SLC14A1: variants seen among roughly 807,000 people sequenced by gnomAD.
SLC14A1 encodes the protein urea transporter 1.
Under a neutral mutation model 39.6 loss-of-function variants are expected in SLC14A1, and 36 were observed. That is an observed-to-expected ratio of 0.91 (90% CI 0.70 to 1.20). The LOEUF is 1.20. Among genes scored for constraint, SLC14A1 ranks in the 50% most tolerant of loss-of-function variants. The pLI, the probability that SLC14A1 is intolerant of heterozygous loss-of-function variation, is 0.00. For synonymous variants in SLC14A1, 164 were observed against 173.6 expected (o/e 0.94, Z 0.43); for missense variants, 469 against 478.7 (o/e 0.98, Z 0.19).
intron 3 of SLC14A1, 40 bp downstream of exon 3, chr18:45,730,511 G>C: frequency 6.2e-7 from 1 of 1,607,734 alleles, no homozygotes; most frequent in Non-Finnish European, 8.5e-7. Flanking sequence ...AGGAGAAGTA[G>C]CTTTGGGGGA....
chr18:45,734,445 A>AG, intron 5 of SLC14A1, 43 bp downstream of exon 5: 1 of 1,608,456 alleles, frequency 6.2e-7, no homozygotes, highest in Non-Finnish European at 8.5e-7. Context: ...TGAAAAAAAA[A>AG]ACATGGCAGA....
intron 2 of SLC14A1, among the ~76,000 whole-genome samples, chr18:45,725,948 G>T (rs921345708): frequency 1.3e-5 from 2 of 152,216 alleles, no homozygotes; most frequent in African/African-American, 4.8e-5. Flanking sequence ...GTGCCAGGCA[G>T]GGGCAGAAGG....
intron 4 of SLC14A1, 169 bp from the exon 5 acceptor site, chr18:45,734,105 A>C: frequency 6.3e-6 from 5 of 794,416 alleles, no homozygotes; most frequent in Non-Finnish European, 1.0e-5. Flanking sequence ...ATTTCACTTC[A>C]TGTCTTTATT....
Position 45,751,811 on chromosome 18 carries a change from A to AATTT in SLC14A1, c.*1862_*1865dup. 1 of 927,886 alleles carries AATTT rather than the reference A, an allele frequency of 1.1e-6. No homozygotes were observed. The highest frequency in any genetic ancestry group is 1.3e-6 in the Non-Finnish European group (1 of 777,980). The allele number at this position is 927,886 out of a possible 1,614,324, so 57.5% of individuals were successfully genotyped here. On this transcript the variant is annotated 3_prime_UTR_variant, in exon 10 of 10. Transcript: ENST00000321925. ...AAATTAATTAATTAATTAATTAATT[A>AATTT]ATTTAAAAAGGAAGTCATGTTCATT...
At chr18:45,742,343 T>A (rs58377072) in intron 8 of SLC14A1, among the ~76,000 whole-genome samples, 1,768 of 143,004 alleles carry the variant, frequency 0.012, 60 homozygotes, top group East Asian at 0.097. Context: ...TTGTTGTTTT[T>A]TGTTTTTTGG....
intron 4 of SLC14A1, among the ~76,000 whole-genome samples, chr18:45,732,994 T>G (rs1326625505): frequency 1.3e-5 from 2 of 152,224 alleles, no homozygotes; most frequent in Non-Finnish European, 2.9e-5. Flanking sequence ...AGTGAATTAA[T>G]GTAGTAACAG....
rs142086840 is a variant in SLC14A1, at chr18:45,728,551, C to G, written c.-21-1749C>G. On this transcript the variant is annotated intron_variant, in intron 2 of 9. Coordinates refer to ENST00000321925, the MANE Select transcript of SLC14A1 (RefSeq NM_015865.7). ...TGGGTCACTACAGCAGAGGCATGGG[C>G]TTATCAAGCAATATGTTCAGCTATG... Among the ~76,000 whole-genome samples the G allele has an allele frequency of 2.6e-5, 4 of 152,146 alleles. No homozygotes were observed. In the East Asian group the frequency reaches 7.7e-4, roughly 29 times the overall value.
chr18:45,742,357 T>G (rs1438409587), intron 8 of SLC14A1, among the ~76,000 whole-genome samples: 5 of 144,662 alleles, frequency 3.5e-5, no homozygotes, highest in South Asian at 2.3e-4. Flanking sequence ...TTTTTGGTTT[T>G]TTTTTTTTTT....
chr18:45,748,377 C>T lies in SLC14A1; in HGVS notation c.948C>T (p.Ala316=). Residue 316 remains alanine, a splice_region_variant and synonymous_variant, in exon 9 of 10, where the codon GCC becomes GCT. Coordinates refer to ENST00000321925, the MANE Select transcript of SLC14A1 (RefSeq NM_015865.7). ...WQTHLLALGC[A]LFTAYLGVGM... is the part of the protein sequence containing the mutation. ...TTTCCCTCCTTTTTTTTTCTGTAGC[C>T]CTGTTCACGGCCTATCTTGGAGTCG... 3.1e-6 allele frequency: 5 copies of T among 1,613,968 alleles called. No individual in the cohort carries two copies. Among genetic ancestry groups the T allele is most frequent in the Non-Finnish European group, 4.2e-6 (5 of 1,179,958 alleles).
At chr18:45,729,534 T>C (rs2046967127) in intron 2 of SLC14A1, 1 of 152,262 alleles carries the variant, frequency 6.6e-6, no homozygotes, top group Non-Finnish European at 1.5e-5. Context: ...TTTTCTATCA[T>C]ACAATCCTTA....
chr18:45,724,734 C>T (rs2046817181), intron 1 of SLC14A1, among the ~76,000 whole-genome samples: 1 of 152,184 alleles, frequency 6.6e-6, no homozygotes, highest in Non-Finnish European at 1.5e-5. Flanking sequence ...TTATGGACTC[C>T]TCTGTGTGTG....
intron 4 of SLC14A1, chr18:45,731,522 G>T: frequency 2.7e-6 from 1 of 377,346 alleles, no homozygotes; most frequent in South Asian, 2.4e-5. Context: ...TTTGTCGTCA[G>T]CATTCTATTT....
chr18:45,726,538 T>C (rs898312525), intron 2 of SLC14A1, among the ~76,000 whole-genome samples: 15 of 152,318 alleles, frequency 9.8e-5, no homozygotes, highest in African/African-American at 3.4e-4. Context: ...CTTATGCCTG[T>C]AATCCCAGTG....
At chr18:45,744,017 A>AG (rs2047469145) in intron 8 of SLC14A1, among the ~76,000 whole-genome samples, 1 of 49,734 alleles carries the variant, frequency 2.0e-5, no homozygotes, top group Non-Finnish European at 3.6e-5. Flanking sequence ...AACCTTCTGT[A>AG]CTTTTTTTTT....
chr18:45,741,722 C>T (rs1382482021), intron 8 of SLC14A1, among the ~76,000 whole-genome samples: 1 of 152,204 alleles, frequency 6.6e-6, no homozygotes, highest in African/African-American at 2.4e-5. Context: ...GGATTACAGA[C>T]AGGTGCTGTA....
At chr18:45,727,162 C>A (rs769172393) in intron 2 of SLC14A1, 9 of 1,135,360 alleles carry the variant, frequency 7.9e-6, no homozygotes, top group African/African-American at 6.1e-5. Context: ...ACCCAGTGGG[C>A]GCGCTCCAGC....
chr18:45,738,276 A>G (rs1483043750), intron 6 of SLC14A1, among the ~76,000 whole-genome samples: 2 of 152,186 alleles, frequency 1.3e-5, no homozygotes, highest in African/African-American at 4.8e-5. Context: ...AATGGTGGAG[A>G]GGGCAAGATG....
In SLC14A1 at chr18:45,731,023, G is replaced by T. The variant is rs377124382; in HGVS notation, c.160G>T (p.Val54Leu). ...TACCTCATCCCTTCCAGACAAACCCGTGGTGCTCCAGTTCATTGACTGGAT... is the reference window on the plus strand; with the variant it reads ...TACCTCATCCCTTCCAGACAAACCCTTGGTGCTCCAGTTCATTGACTGGAT... ...ELANQLKDKP[V>L]VLQFIDWILR... Residue 54 changes from valine to leucine, a missense_variant, in exon 4 of 10, where the codon GTG becomes TTG. Val to Leu is a conservative substitution (Grantham distance 32). Transcript: ENST00000321925. The T allele has an allele frequency of 1.9e-6, 3 of 1,613,998 alleles. No individual in the cohort carries two copies.
chr18:45,742,353 G>GGTT (rs2047401137), intron 8 of SLC14A1, among the ~76,000 whole-genome samples: 1 of 118,054 alleles, frequency 8.5e-6, no homozygotes, highest in African/African-American at 3.5e-5. Context: ...TTGTTTTTTG[G>GGTT]TTTTTTTTTT....
Sources: gnomAD v4.1 joint callset for allele counts (sites outside exome capture counted in the v4.1 genomes callset) on GRCh38, gnomAD v4.1.1 for gene constraint, MANE v1.5 for transcripts, NCBI Gene and HGNC (gene_info 2026-07-23, HGNC 2026-07-21) for gene names.